RBFOX1: variants seen among roughly 807,000 people sequenced by gnomAD.
RBFOX1 encodes the protein RNA binding fox-1 homolog 1, also known as RNA binding protein fox-1 homolog 1.
RBFOX1 carries 8 observed loss-of-function variants against 57.7 expected under a neutral mutation model. The ratio of observed to expected loss-of-function variants is 0.14; its 90% CI spans 0.08 to 0.25. The LOEUF (loss-of-function observed/expected upper bound fraction) is 0.25. RBFOX1 is among the 10% of genes least tolerant of loss of function. RBFOX1 has a pLI of 1.00. For missense variants in RBFOX1, 611 were observed against 548.5 expected, an observed-to-expected ratio of 1.11 and a Z score of -1.14; for synonymous variants, 326 against 222.4, an observed-to-expected ratio of 1.47 and a Z score of -4.15.
At chr16:6,656,666 A>C (rs1166841182) in intron 3 of RBFOX1, among the ~76,000 whole-genome samples, 1 of 151,896 alleles carries the variant, frequency 6.6e-6, no homozygotes, top group Non-Finnish European at 1.5e-5. Context: ...GATTGAGTCA[A>C]TAATGTCAAA....
chr16:6,906,074 C>T (rs575317879), intron 3 of RBFOX1, among the ~76,000 whole-genome samples: 2 of 151,990 alleles, frequency 1.3e-5, no homozygotes, highest in African/African-American at 2.4e-5. Flanking sequence ...CCACCTGATA[C>T]TTTGTCTTCG....
chr16:7,497,770 C>G (rs563885522), intron 4 of RBFOX1, among the ~76,000 whole-genome samples: 5 of 152,200 alleles, frequency 3.3e-5, no homozygotes. Flanking sequence ...CAATGGATAA[C>G]CTTGCAGAGC....
chr16:6,483,300 T>C, intron 2 of RBFOX1: 1 of 1,397,888 alleles, frequency 7.2e-7, no homozygotes, highest in South Asian at 1.6e-5. Flanking sequence ...CTGCTCGCTC[T>C]CGCGCCCGCG....
intron 1 of RBFOX1, among the ~76,000 whole-genome samples, chr16:5,354,462 G>T (rs1473819524): frequency 6.6e-6 from 1 of 152,206 alleles, no homozygotes; most frequent in Non-Finnish European, 1.5e-5. Flanking sequence ...TTTCTTGTGT[G>T]TAATGGAGTT....
At chr16:7,504,725 ATATAT>A (rs1567552995) in intron 4 of RBFOX1, among the ~76,000 whole-genome samples, 1 of 6,146 alleles carries the variant, frequency 1.6e-4, no homozygotes, top group African/African-American at 3.8e-4. Context: ...ATATATATAT[ATATAT>A]ATATATATAT....
intron 1 of RBFOX1, among the ~76,000 whole-genome samples, chr16:6,191,654 A>G (rs1045637092): frequency 6.6e-6 from 1 of 152,142 alleles, no homozygotes; most frequent in Non-Finnish European, 1.5e-5. Flanking sequence ...TTTTTGTTGC[A>G]TGGTCCAAAA....
chr16:6,462,553 G>A (rs565551970), intron 2 of RBFOX1, among the ~76,000 whole-genome samples: 1 of 152,126 alleles, frequency 6.6e-6, no homozygotes, highest in East Asian at 1.9e-4. Flanking sequence ...TTTTTCTTCT[G>A]CCAAAATAAG....
At chr16:6,233,654 C>A (rs1255224686) in intron 1 of RBFOX1, among the ~76,000 whole-genome samples, 1 of 152,062 alleles carries the variant, frequency 6.6e-6, no homozygotes, top group Non-Finnish European at 1.5e-5. Context: ...TGCCACCCAG[C>A]CTGGAGCACA....
intron 2 of RBFOX1, among the ~76,000 whole-genome samples, chr16:6,493,208 C>G (rs1250658647): frequency 1.3e-5 from 2 of 152,090 alleles, no homozygotes; most frequent in Non-Finnish European, 2.9e-5. Context: ...ATATTTGAGC[C>G]TTAGAAAAGA....
At chr16:5,332,854 C>A (rs953438002) in intron 1 of RBFOX1, among the ~76,000 whole-genome samples, 1 of 151,858 alleles carries the variant, frequency 6.6e-6, no homozygotes, top group African/African-American at 2.4e-5. Flanking sequence ...TTTTCTGTTC[C>A]CGAGTCACCA....
intron 3 of RBFOX1, among the ~76,000 whole-genome samples, chr16:6,961,751 C>T (rs571082438): frequency 2.6e-5 from 4 of 152,232 alleles, no homozygotes; most frequent in East Asian, 1.9e-4. Flanking sequence ...TGTTTCACGG[C>T]GTTTTTAAAT....
chr16:6,983,316 T>A (rs894385441), intron 3 of RBFOX1, among the ~76,000 whole-genome samples: 1 of 152,180 alleles, frequency 6.6e-6, no homozygotes, highest in Non-Finnish European at 1.5e-5. Context: ...TGTCCATTAT[T>A]TCTTTAGCCG....
chr16:5,396,106 C>T (rs914468736), intron 1 of RBFOX1, among the ~76,000 whole-genome samples: 1 of 152,064 alleles, frequency 6.6e-6, no homozygotes, highest in Non-Finnish European at 1.5e-5. Flanking sequence ...TGTTTTAAGC[C>T]CCCAGGGTTA....
At chr16:6,081,613 T>C (rs1468988103) in intron 1 of RBFOX1, among the ~76,000 whole-genome samples, 2 of 152,180 alleles carry the variant, frequency 1.3e-5, no homozygotes, top group Non-Finnish European at 2.9e-5. Flanking sequence ...GAGCTTCCCG[T>C]GAGGTTGAAC....
At chr16:7,216,206 A>G (rs2092012551) in intron 4 of RBFOX1, among the ~76,000 whole-genome samples, 1 of 152,140 alleles carries the variant, frequency 6.6e-6, no homozygotes, top group Non-Finnish European at 1.5e-5. Context: ...GGTTGTTTCC[A>G]CTTATTGGCT....
intron 1 of RBFOX1, chr16:6,038,493 G>C (rs1284476866): frequency 6.9e-6 from 1 of 145,024 alleles, no homozygotes; most frequent in Non-Finnish European, 1.5e-5. Context: ...CAAGCTATAT[G>C]TACACTGTAC....
At chr16:6,897,869 C>G (rs935336902) in intron 3 of RBFOX1, among the ~76,000 whole-genome samples, 1 of 152,100 alleles carries the variant, frequency 6.6e-6, no homozygotes, top group African/African-American at 2.4e-5. Context: ...TCCATCTGTC[C>G]CTTCATACCC....
chr16:7,196,409 A>G (rs8056115), intron 4 of RBFOX1, among the ~76,000 whole-genome samples: 100,447 of 152,000 alleles, frequency 0.66, 34,303 homozygotes, highest in African/African-American at 0.84. Context: ...GCTTAGCAGC[A>G]CAAAATCAAG....
At chr16:7,125,978 G>T (rs1251661283) in intron 4 of RBFOX1, among the ~76,000 whole-genome samples, 2 of 152,192 alleles carry the variant, frequency 1.3e-5, no homozygotes, top group African/African-American at 2.4e-5. Flanking sequence ...AGCTGCTCGG[G>T]AGGCTGAGGC....
Sources: gnomAD v4.1 joint callset for allele counts (sites outside exome capture counted in the v4.1 genomes callset) on GRCh38, gnomAD v4.1.1 for gene constraint, MANE v1.5 for transcripts, NCBI Gene and HGNC (gene_info 2026-07-23, HGNC 2026-07-21) for gene names.